MAPRE2: variants seen among roughly 807,000 people sequenced by gnomAD.
The protein encoded by MAPRE2 is microtubule associated protein RP/EB family member 2.
In MAPRE2, 13 loss-of-function variants were observed where a neutral mutation model predicts 43.2. The observed-to-expected ratio is 0.30, with a 90% CI of 0.20 to 0.48. The LOEUF is 0.48. MAPRE2 is among the 20% of genes least tolerant of loss of function. The pLI is 0.99. For synonymous variants in MAPRE2, 135 were observed against 148.8 expected (o/e 0.91, Z 0.68); for missense variants, 161 against 400.2 (o/e 0.40, Z 5.10).
chr18:35,045,390 TCCACATGGG>T (rs1469318145), intron 1 of MAPRE2, among the ~76,000 whole-genome samples: 1 of 152,314 alleles, frequency 6.6e-6, no homozygotes, highest in East Asian at 1.9e-4. Flanking sequence ...GAGGACTATT[TCCACATGGG>T]TGTTTTGAGC....
rs527371362 is a variant in MAPRE2 at position 35,035,148 on chromosome 18, G to C, written c.-8+29595G>C. Among the ~76,000 whole-genome samples, 10 of 152,070 alleles carry C rather than the reference G, an allele frequency of 6.6e-5. No individual in the cohort carries two copies. The East Asian group carries it at 1.9e-3, about 29-fold the overall frequency. On this transcript the variant is annotated intron_variant, in intron 2 of 7. Coordinates refer to the MAPRE2 transcript ENST00000413393. The stretch of plus-strand genomic sequence containing the variant: ...CAATGATAGACTGGATTAAGAAAAT[G>C]TGGCACATATACACCATGGAATACT...
chr18:35,135,941 T>C (rs185760885), intron 6 of MAPRE2, among the ~76,000 whole-genome samples: 129 of 152,356 alleles, frequency 8.5e-4, no homozygotes, highest in African/African-American at 3.0e-3. Flanking sequence ...TAGATGGACA[T>C]GCTTTGCTTT....
intron 1 of MAPRE2, among the ~76,000 whole-genome samples, chr18:35,049,504 T>A (rs1222935596): frequency 6.6e-6 from 1 of 152,176 alleles, no homozygotes; most frequent in African/African-American, 2.4e-5. Context: ...CCTTCCTCCA[T>A]GCTGGGCCCT....
At chr18:35,134,416 T>A (rs1370736578) in intron 6 of MAPRE2, among the ~76,000 whole-genome samples, 1 of 152,226 alleles carries the variant, frequency 6.6e-6, no homozygotes, top group Non-Finnish European at 1.5e-5. Flanking sequence ...CTTAACCACA[T>A]CCCTGTGAGG....
intron 6 of MAPRE2, among the ~76,000 whole-genome samples, chr18:35,135,825 C>T (rs1910366239): frequency 6.6e-6 from 1 of 152,252 alleles, no homozygotes; most frequent in African/African-American, 2.4e-5. Flanking sequence ...GTTGGTACAG[C>T]TGTGTGTACA....
intron 2 of MAPRE2, among the ~76,000 whole-genome samples, chr18:35,018,821 T>C (rs1416219130): frequency 6.6e-6 from 1 of 152,050 alleles, no homozygotes; most frequent in Non-Finnish European, 1.5e-5. Context: ...TCAATTTTAT[T>C]CAGTTCTGCT....
chr18:35,142,633 A>T lies in MAPRE2; in HGVS notation c.*2264A>T, dbSNP rs1231711285. The T allele has an allele frequency of 6.6e-6, 1 of 152,182 alleles. No individual in the cohort carries two copies. The highest frequency in any genetic ancestry group is 1.5e-5 in the Non-Finnish European group (1 of 68,052). 9.4% of individuals were successfully genotyped at this position (152,182 alleles called of 1,614,324 possible). A position where few individuals can be genotyped will look rare whatever the true frequency, so the allele number is the denominator to read the frequency against. On this transcript the variant is annotated 3_prime_UTR_variant, in exon 7 of 7. Transcript: ENST00000300249. ...AAGGCTTGGGGCAGACCATTCGTTTATTTAGAGAAGAGCTATACATTCTTC... is the reference window on the plus strand; with the variant it reads ...AAGGCTTGGGGCAGACCATTCGTTTTTTTAGAGAAGAGCTATACATTCTTC...
intron 3 of MAPRE2, among the ~76,000 whole-genome samples, chr18:35,098,437 A>C (rs1287666457): frequency 6.6e-6 from 1 of 152,232 alleles, no homozygotes; most frequent in African/African-American, 2.4e-5. Flanking sequence ...GACAGAGATT[A>C]AAGGAAAGTT....
chr18:35,087,070 A>G (rs764898224), intron 2 of MAPRE2, among the ~76,000 whole-genome samples: 1 of 152,166 alleles, frequency 6.6e-6, no homozygotes, highest in Non-Finnish European at 1.5e-5. Flanking sequence ...GACTTAAATC[A>G]TACACTCCTG....
chr18:35,028,279 T>G (rs2097046282), intron 2 of MAPRE2, among the ~76,000 whole-genome samples: 1 of 152,172 alleles, frequency 6.6e-6, no homozygotes, highest in Admixed American at 6.5e-5. Context: ...AAATGTTACC[T>G]TACAAATCTT....
intron 1 of MAPRE2, chr18:34,978,197 T>G: frequency 2.4e-6 from 1 of 424,960 alleles, no homozygotes; most frequent in South Asian, 2.7e-5. Context: ...CTCTATCACT[T>G]GTTCACATCT....
intron 2 of MAPRE2, among the ~76,000 whole-genome samples, chr18:35,083,765 G>A (rs77993634): frequency 0.011 from 1,623 of 152,226 alleles, 54 homozygotes; most frequent in Admixed American, 0.053. Flanking sequence ...ATCAGCAGAC[G>A]AAAAGAAATC....
At chr18:35,027,153 G>T (rs1200571063) in intron 2 of MAPRE2, among the ~76,000 whole-genome samples, 2 of 152,138 alleles carry the variant, frequency 1.3e-5, no homozygotes, top group East Asian at 1.9e-4. Context: ...TCCAAAGTGG[G>T]TTACTACAAT....
upstream of MAPRE2, among the ~76,000 whole-genome samples, chr18:35,040,142 G>A (rs2097052875): frequency 6.6e-6 from 1 of 152,222 alleles, no homozygotes; most frequent in South Asian, 2.1e-4. Context: ...GGCGGAGGTT[G>A]CAGTGAGCTG....
intron 2 of MAPRE2, among the ~76,000 whole-genome samples, chr18:35,071,315 A>G (rs1015217466): frequency 1.5e-4 from 23 of 152,170 alleles, no homozygotes; most frequent in African/African-American, 5.3e-4. Flanking sequence ...CAGGAGTTTG[A>G]GGCTGTGGTG....
intron 2 of MAPRE2, among the ~76,000 whole-genome samples, chr18:35,086,614 C>G (rs1907894631): frequency 6.6e-6 from 1 of 151,766 alleles, no homozygotes; most frequent in South Asian, 2.1e-4. Context: ...TTTCCAAACA[C>G]TCTTTGAACC....
At chr18:35,078,047 TAA>T (rs1410692355) in intron 2 of MAPRE2, among the ~76,000 whole-genome samples, 1 of 152,222 alleles carries the variant, frequency 6.6e-6, no homozygotes, top group Non-Finnish European at 1.5e-5. Flanking sequence ...CTAAAGACTT[TAA>T]CAGGAAGAGT....
At chr18:34,989,604 G>A (rs535502732) in intron 1 of MAPRE2, among the ~76,000 whole-genome samples, 17 of 152,252 alleles carry the variant, frequency 1.1e-4, no homozygotes, top group Non-Finnish European at 2.4e-4. Flanking sequence ...CCAGATGCTT[G>A]GAAGGCTGAG....
rs550390570 is a variant in MAPRE2, at chr18:35,057,499, A to AGTGTGT, written c.123-12694_123-12689dup. ...AGGAGAGCAGAGAGATACTGCAAGG[A>AGTGTGT]GTGTGTGCGTGTGTGTGTGTGTGTG... On this transcript the variant is annotated intron_variant, in intron 1 of 6. Coordinates refer to ENST00000300249, the MANE Select transcript of MAPRE2 (RefSeq NM_014268.4). 3.7e-5 allele frequency among the ~76,000 whole-genome samples: 3 copies of AGTGTGT among 82,170 alleles called. No homozygotes were observed. The Admixed American group carries it at 4.1e-4, about 11-fold the overall frequency. 53.9% of individuals were successfully genotyped at this position (82,170 alleles called of 152,430 possible).
Sources: gnomAD v4.1 joint callset for allele counts (sites outside exome capture counted in the v4.1 genomes callset) on GRCh38, gnomAD v4.1.1 for gene constraint, MANE v1.5 for transcripts, NCBI Gene and HGNC (gene_info 2026-07-23, HGNC 2026-07-21) for gene names.